Variants in ACOX3 observed in about 807,000 individuals in gnomAD.
ACOX3 encodes the protein acyl-CoA oxidase 3, pristanoyl, also known as peroxisomal acyl-coenzyme A oxidase 3.
ACOX3 carries 73 observed loss-of-function variants against 81.5 expected under a neutral mutation model. That is an observed-to-expected ratio of 0.90 (90% CI 0.74 to 1.09). ACOX3 has a LOEUF of 1.09. Ranked by LOEUF, ACOX3 falls within the 50% of genes least tolerant of loss-of-function variation. The pLI, the probability that ACOX3 is intolerant of heterozygous loss-of-function variation, is 0.00. For missense variants in ACOX3, 947 were observed against 928.0 expected (o/e 1.02, Z -0.27); for synonymous variants, 387 against 375.1 (o/e 1.03, Z -0.37).
At chr4:8,375,213 G>A in intron 14 of ACOX3, 61 bp from the exon 15 acceptor site, 1 of 1,455,964 alleles carries the variant, frequency 6.9e-7, no homozygotes, top group South Asian at 1.3e-5. Context: ...AGATTCCCGG[G>A]GGAGGAAGTT....
downstream of ACOX3, among the ~76,000 whole-genome samples, chr4:8,365,412 G>T (rs963373015): frequency 6.6e-6 from 1 of 152,232 alleles, no homozygotes; most frequent in Non-Finnish European, 1.5e-5. Context: ...GAATTCAGGT[G>T]GGGATGCTCC....
the ACOX3 span, among the ~76,000 whole-genome samples, chr4:8,358,812 A>G: frequency 2.0e-5 from 3 of 152,348 alleles, no homozygotes; most frequent in South Asian, 6.2e-4. Context: ...TGATTAGCAT[A>G]TCATCAAGAA....
At position 8,384,761 on chromosome 4, in the gene ACOX3, G is replaced by A. The variant is rs1049372992; in HGVS notation, c.1538-3154C>T. Among the ~76,000 whole-genome samples the A allele has an allele frequency of 3.9e-5, 6 of 152,134 alleles. No homozygotes were observed. Among genetic ancestry groups the A allele is most frequent in the East Asian group, 3.9e-4 (2 of 5,186 alleles). On this transcript the variant is annotated intron_variant, in intron 13 of 17. Coordinates refer to ENST00000356406, the MANE Select transcript of ACOX3 (RefSeq NM_003501.3). The surrounding 1 kb of genome is among the most constrained non-coding windows in gnomAD (Gnocchi z 5.3). ...GTCAGCATCAGAGCACTCCTAACTC[G>A]GATTCTGACCCAGGCAAGCCCTGGA...
intron 3 of ACOX3, 88 bp from the exon 4 acceptor site, chr4:8,415,016 C>T: frequency 4.2e-6 from 5 of 1,196,290 alleles, no homozygotes; most frequent in Admixed American, 1.7e-5. Context: ...CGGCACTCAA[C>T]ACCATGCCCA....
At position 8,430,217 on chromosome 4, in the gene ACOX3, C is replaced by T. The variant is rs1020446608; in HGVS notation, c.-15+10431G>A. ...AATTATGGGTATCAGTGGGAGCGTCCGATTGCAAAAGCAGAAGGAAGGGAC... is the reference window on the plus strand; with the variant it reads ...AATTATGGGTATCAGTGGGAGCGTCTGATTGCAAAAGCAGAAGGAAGGGAC... On this transcript the variant is annotated intron_variant, in intron 1 of 17. Transcript: ENST00000356406. This position sits in a 1 kb window ranked among gnomAD's most constrained non-coding sequence, Gnocchi z 5.2. Among the ~76,000 whole-genome samples, 3 of 152,136 alleles carry T rather than the reference C, an allele frequency of 2.0e-5. No individual in the cohort carries two copies. Among genetic ancestry groups the T allele is most frequent in the Non-Finnish European group, 2.9e-5 (2 of 68,034 alleles).
At chr4:8,408,907 GGGGGGGGT>G (rs1721361785) in intron 6 of ACOX3, among the ~76,000 whole-genome samples, 2 of 107,628 alleles carry the variant, frequency 1.9e-5, no homozygotes, top group African/African-American at 6.6e-5. Flanking sequence ...GGGGGGGTGG[GGGGGGGGT>G]GGGGGCGGTC....
At chr4:8,373,776 G>T in intron 15 of ACOX3, 148 bp from the exon 16 acceptor site, 1 of 694,448 alleles carries the variant, frequency 1.4e-6, no homozygotes, top group Non-Finnish European at 2.5e-6. Context: ...CCCCAGCCCA[G>T]ATGTGACCCA....
intron 1 of ACOX3, among the ~76,000 whole-genome samples, chr4:8,424,748 A>G (rs532348323): frequency 4.6e-5 from 7 of 152,262 alleles, no homozygotes; most frequent in Non-Finnish European, 1.0e-4. Context: ...AAGATAAAAC[A>G]TAACTGTCAA....
At chr4:8,402,878 CT>C (rs997425714) in intron 7 of ACOX3, among the ~76,000 whole-genome samples, 1 of 152,212 alleles carries the variant, frequency 6.6e-6, no homozygotes, top group African/African-American at 2.4e-5. Context: ...CATCCTGCTT[CT>C]TATTGCAGCA....
Position 8,389,113 on chromosome 4 carries a change from T to C in ACOX3, c.1537+60A>G. The C allele has an allele frequency of 6.8e-7, 1 of 1,466,154 alleles. No individual in the cohort carries two copies. The highest frequency in any genetic ancestry group is 9.5e-7 in the Non-Finnish European group (1 of 1,052,986). 90.8% of individuals were successfully genotyped at this position (1,466,154 alleles called of 1,614,324 possible). ...GTCCCCTCACCGAGGCACGGTGCGT[T>C]TCCTGGTGGGAATGACAGGAAATCA... On this transcript the variant is annotated intron_variant, in intron 13 of 17. Coordinates refer to ENST00000356406, the MANE Select transcript of ACOX3 (RefSeq NM_003501.3). The surrounding 1 kb of genome is among the most constrained non-coding windows in gnomAD (Gnocchi z 5.3).
At position 8,396,933 on chromosome 4, in the gene ACOX3, A is replaced by T. The variant is rs368994751; in HGVS notation, c.1056+4T>A. ...CAGTGAAAGGATGCTTGAAAACCTC[A>T]TACCTGCATTGGATACTCAAGCACT... On this transcript the variant is annotated splice_donor_region_variant and intron_variant, in intron 9 of 17. Transcript: ENST00000356406. 59 of 1,609,226 alleles carry T rather than the reference A, an allele frequency of 3.7e-5. No individual in the cohort carries two copies. Among genetic ancestry groups the T allele is most frequent in the Middle Eastern group, 3.3e-4 (2 of 6,070 alleles).
rs1717778104 is a variant in ACOX3, at chr4:8,382,371, G to A, written c.1538-764C>T. Among the ~76,000 whole-genome samples the A allele has an allele frequency of 6.6e-6, 1 of 152,186 alleles. No homozygotes were observed. Among genetic ancestry groups the A allele is most frequent in the South Asian group, 2.1e-4 (1 of 4,828 alleles). ...CCGTATGGACCAGGCATGGTCCTGA[G>A]ACCCCACCAGGCTGTACTGCTACTA... is the stretch of plus-strand genomic sequence containing the variant. On this transcript the variant is annotated intron_variant, in intron 13 of 17. Transcript: ENST00000356406. The surrounding 1 kb of genome is among the most constrained non-coding windows in gnomAD (Gnocchi z 4.1).
intron 14 of ACOX3, among the ~76,000 whole-genome samples, chr4:8,377,697 T>A (rs35876248): frequency 0.12 from 18,133 of 152,210 alleles, 1,141 homozygotes; most frequent in Middle Eastern, 0.2. Flanking sequence ...GCTCTGGGGA[T>A]GGGCTCCCTA....
Position 8,414,488 on chromosome 4 carries a change from A to T in ACOX3, c.454-107T>A, listed in dbSNP as rs1219141917. 6 of 1,050,566 alleles carry T rather than the reference A, an allele frequency of 5.7e-6. No individual in the cohort carries two copies. The highest frequency in any genetic ancestry group is 8.6e-6 in the Non-Finnish European group (6 of 694,776). 65.1% of individuals were successfully genotyped at this position (1,050,566 alleles called of 1,614,324 possible). ...CTTTAAAGATGAAACCACATATCAA[A>T]GCCCCAAATTTCCATCTACCCAACT... On this transcript the variant is annotated intron_variant, in intron 4 of 17. Coordinates refer to ENST00000356406, the MANE Select transcript of ACOX3 (RefSeq NM_003501.3). This position sits in a 1 kb window ranked among gnomAD's most constrained non-coding sequence, Gnocchi z 6.1.
In ACOX3 at chr4:8,437,315, G is replaced by T. The variant is rs545996910; in HGVS notation, c.-15+3333C>A. Among the ~76,000 whole-genome samples the T allele has an allele frequency of 1.3e-5, 2 of 151,832 alleles. No homozygotes were observed. The highest frequency in any genetic ancestry group is 2.9e-5 in the Non-Finnish European group (2 of 67,986). ...AGCAACAAGTGCGGCAGCTAGGCAC[G>T]CCAAGGGTTAAATTCCTCTCCCCGG... On this transcript the variant is annotated intron_variant, in intron 1 of 17. Coordinates refer to ENST00000356406, the MANE Select transcript of ACOX3 (RefSeq NM_003501.3). The surrounding 1 kb of genome is among the most constrained non-coding windows in gnomAD (Gnocchi z 5.2).
At chr4:8,436,535 C>G (rs1273350768) in intron 1 of ACOX3, 1 of 152,098 alleles carries the variant, frequency 6.6e-6, no homozygotes, top group East Asian at 1.9e-4. Context: ...AACTCAGCTT[C>G]AGCATTTGCA....
Position 8,407,053 on chromosome 4 carries a change from C to T in ACOX3, c.688-1010G>A, listed in dbSNP as rs900434271. Among the ~76,000 whole-genome samples the T allele has an allele frequency of 5.3e-5, 8 of 152,184 alleles. No homozygotes were observed. Among genetic ancestry groups the T allele is most frequent in the Non-Finnish European group, 7.4e-5 (5 of 68,016 alleles). ...TACCGCTAGACCACGGTCTGCTTGG[C>T]AACGGGCGTCTTCCCAGATGCTGGC... is the stretch of plus-strand genomic sequence containing the variant. On this transcript the variant is annotated intron_variant, in intron 6 of 17. Transcript: ENST00000356406. This position sits in a 1 kb window ranked among gnomAD's most constrained non-coding sequence, Gnocchi z 4.6.
chr4:8,413,971 A>G (rs1370410140), intron 5 of ACOX3, among the ~76,000 whole-genome samples: 1 of 152,262 alleles, frequency 6.6e-6, no homozygotes, highest in East Asian at 1.9e-4. Flanking sequence ...TTATGAATCC[A>G]CTACGCATAG....
chr4:8,391,058 T>C (rs1718939720), intron 11 of ACOX3, among the ~76,000 whole-genome samples: 2 of 151,580 alleles, frequency 1.3e-5, no homozygotes, highest in African/African-American at 4.9e-5. Context: ...TATGTATATG[T>C]ATATGTATAT....
Sources: allele counts gnomAD v4.1 joint callset (sites outside exome capture counted in the v4.1 genomes callset), GRCh38; gene constraint gnomAD v4.1.1; non-coding constraint Gnocchi (gnomAD v3.1); transcripts MANE v1.5; gene names NCBI Gene and HGNC (gene_info 2026-07-23, HGNC 2026-07-21).